GRIA1: variants seen among roughly 807,000 people sequenced by gnomAD.
The protein encoded by GRIA1 is glutamate ionotropic receptor AMPA type subunit 1.
Under a neutral mutation model 99.2 loss-of-function variants are expected in GRIA1, and 31 were observed. That is an observed-to-expected ratio of 0.31 (90% CI 0.23 to 0.42). The LOEUF is 0.42. GRIA1 is among the 10% of genes least tolerant of loss of function. The pLI is 1.00. For synonymous variants in GRIA1, 438 were observed against 432.4 expected, an observed-to-expected ratio of 1.01 and a Z score of -0.16; for missense variants, 782 against 1,157.5, an observed-to-expected ratio of 0.68 and a Z score of 4.71.
rs546399311 is a variant in GRIA1 at position 153,788,472 on chromosome 5, A to G, written c.2271-6149A>G. 7.9e-5 allele frequency among the ~76,000 whole-genome samples: 12 copies of G among 152,194 alleles called. No homozygotes were observed. In the South Asian group the frequency reaches 2.1e-3, roughly 26 times the overall value. On this transcript the variant is annotated intron_variant, in intron 13 of 15. Coordinates refer to ENST00000285900, the MANE Select transcript of GRIA1 (RefSeq NM_000827.4). Reference sequence around the variant, plus strand: ...CTCCAATCTCAGAATAAAATGCTCAATCCTGGCCTGCAGAGTCCCTGCCAG... The same window carrying G: ...CTCCAATCTCAGAATAAAATGCTCAGTCCTGGCCTGCAGAGTCCCTGCCAG...
intron 11 of GRIA1, among the ~76,000 whole-genome samples, chr5:153,727,964 G>A (rs1225993974): frequency 6.6e-5 from 10 of 151,478 alleles, no homozygotes; most frequent in Admixed American, 2.6e-4. Flanking sequence ...GAGGCATCAC[G>A]CTACCTGACT....
intron 14 of GRIA1, among the ~76,000 whole-genome samples, chr5:153,798,896 A>G (rs1310401749): frequency 2.6e-5 from 4 of 152,130 alleles, no homozygotes; most frequent in African/African-American, 7.2e-5. Context: ...GCAAATCAAG[A>G]CAACAGGTTA....
At chr5:153,774,150 C>T (rs1764070055) in intron 13 of GRIA1, among the ~76,000 whole-genome samples, 1 of 142,738 alleles carries the variant, frequency 7.0e-6, no homozygotes, top group South Asian at 2.3e-4. Context: ...TGCCATTTGA[C>T]CCAAGACATG....
intron 2 of GRIA1, among the ~76,000 whole-genome samples, chr5:153,634,946 A>G (rs1205076116): frequency 1.3e-5 from 2 of 152,120 alleles, no homozygotes; most frequent in Non-Finnish European, 2.9e-5. Flanking sequence ...CCATAGCTTT[A>G]TTTTATCCTT....
At chr5:153,795,076 T>C (rs932300990) in intron 14 of GRIA1, among the ~76,000 whole-genome samples, 6 of 152,044 alleles carry the variant, frequency 3.9e-5, no homozygotes, top group Non-Finnish European at 7.4e-5. Flanking sequence ...CAGGGTGCCC[T>C]TTTTTTCAAA....
At chr5:153,701,119 C>A (rs777133356) in intron 10 of GRIA1, among the ~76,000 whole-genome samples, 22 of 152,212 alleles carry the variant, frequency 1.4e-4, no homozygotes, top group Non-Finnish European at 2.6e-4. Flanking sequence ...TCTTCACCTT[C>A]ACCTCATGTA....
intron 2 of GRIA1, among the ~76,000 whole-genome samples, chr5:153,527,052 G>A (rs555819909): frequency 6.6e-6 from 1 of 152,186 alleles, no homozygotes; most frequent in Non-Finnish European, 1.5e-5. Flanking sequence ...CCCCTAGTGT[G>A]TAAATAGTGA....
At chr5:153,802,026 A>G (rs1161612603) in intron 14 of GRIA1, among the ~76,000 whole-genome samples, 2 of 152,104 alleles carry the variant, frequency 1.3e-5, no homozygotes, top group Non-Finnish European at 2.9e-5. Flanking sequence ...GCTAAGCTCA[A>G]AGGTGCAAAT....
intron 2 of GRIA1, among the ~76,000 whole-genome samples, chr5:153,605,385 A>C (rs1172789545): frequency 6.6e-6 from 1 of 152,234 alleles, no homozygotes; most frequent in Non-Finnish European, 1.5e-5. Flanking sequence ...GAGTATGCCA[A>C]AATTTATTCA....
chr5:153,728,078 G>A (rs967312135), intron 11 of GRIA1, among the ~76,000 whole-genome samples: 36 of 150,986 alleles, frequency 2.4e-4, no homozygotes, highest in African/African-American at 7.8e-4. Context: ...AAATAATGCC[G>A]CATATCTACA....
chr5:153,691,815 G>A (rs974080396), intron 8 of GRIA1, among the ~76,000 whole-genome samples: 1 of 152,118 alleles, frequency 6.6e-6, no homozygotes, highest in African/African-American at 2.4e-5. Context: ...CCAGTCACGA[G>A]TCCTGCTATG....
At chr5:153,733,478 T>C (rs1333071875) in intron 11 of GRIA1, among the ~76,000 whole-genome samples, 3 of 151,988 alleles carry the variant, frequency 2.0e-5, no homozygotes, top group African/African-American at 7.2e-5. Flanking sequence ...CCAGAAACAA[T>C]GAACAAAATG....
chr5:153,592,261 A>C (rs146251613), intron 2 of GRIA1, among the ~76,000 whole-genome samples: 2 of 152,332 alleles, frequency 1.3e-5, no homozygotes, highest in Non-Finnish European at 2.9e-5. Context: ...AGTGTCCCTG[A>C]AACTAGTAGA....
chr5:153,575,478 A>G (rs551281853), intron 2 of GRIA1, among the ~76,000 whole-genome samples: 13 of 152,318 alleles, frequency 8.5e-5, no homozygotes, highest in African/African-American at 3.1e-4. Context: ...AAATTTACTC[A>G]TGAAAATTTA....
chr5:153,675,992 G>A (rs1303654585), intron 6 of GRIA1, among the ~76,000 whole-genome samples: 1 of 151,934 alleles, frequency 6.6e-6, no homozygotes, highest in Non-Finnish European at 1.5e-5. Flanking sequence ...AAGTAGCTGG[G>A]ACTACAGGCA....
chr5:153,762,383 G>A (rs1763243172), intron 11 of GRIA1, among the ~76,000 whole-genome samples: 3 of 152,154 alleles, frequency 2.0e-5, no homozygotes, highest in Admixed American at 2.0e-4. Context: ...TGGGAAAGCT[G>A]CTGCAGCTTC....
intron 13 of GRIA1, among the ~76,000 whole-genome samples, chr5:153,773,718 A>G (rs1764032353): frequency 6.6e-6 from 1 of 152,214 alleles, no homozygotes; most frequent in Admixed American, 6.5e-5. Flanking sequence ...AAAAAGCAAC[A>G]TGTTTCAAAT....
At chr5:153,768,532 G>T (rs763460111) in intron 12 of GRIA1, among the ~76,000 whole-genome samples, 1 of 151,968 alleles carries the variant, frequency 6.6e-6, no homozygotes, top group East Asian at 1.9e-4. Context: ...CTAATTATAG[G>T]CTATTAAAAC....
intron 2 of GRIA1, among the ~76,000 whole-genome samples, chr5:153,527,301 T>A (rs2113408326): frequency 6.6e-6 from 1 of 152,330 alleles, no homozygotes; most frequent in South Asian, 2.1e-4. Context: ...GGGATTAGTG[T>A]ATTTTTGGTT....
Sources: gnomAD v4.1 joint callset for allele counts (sites outside exome capture counted in the v4.1 genomes callset) on GRCh38, gnomAD v4.1.1 for gene constraint, MANE v1.5 for transcripts, NCBI Gene and HGNC (gene_info 2026-07-23, HGNC 2026-07-21) for gene names.